The following APBA1 variants were observed in gnomAD, a reference collection of about 807,000 sequenced individuals.
APBA1 encodes amyloid beta precursor protein binding family A member 1.
APBA1 carries 55 observed loss-of-function variants against 86.6 expected under a neutral mutation model. That is an observed-to-expected ratio of 0.64 (90% CI 0.51 to 0.80). The LOEUF (loss-of-function observed/expected upper bound fraction) is 0.80, where lower values mean the gene tolerates loss of function less well. Ranked by LOEUF, APBA1 falls within the 30% of genes least tolerant of loss-of-function variation. The pLI, the probability that APBA1 is intolerant of heterozygous loss-of-function variation, is 0.00. For synonymous variants in APBA1, 511 were observed against 493.9 expected (o/e 1.03, Z -0.46); for missense variants, 1,090 against 1,183.0 (o/e 0.92, Z 1.15).
chr9:69,540,160 A>ACAACAACAAC lies in APBA1; in HGVS notation c.-69-22882_-69-22881insGTTGTTGTTG, dbSNP rs1564071251. 5.9e-4 allele frequency among the ~76,000 whole-genome samples: 90 copies of ACAACAACAAC among 152,090 alleles called. 1 individual carries two copies. Among genetic ancestry groups the ACAACAACAAC allele is most frequent in the African/African-American group, 2.1e-3 (86 of 41,426 alleles). ...CAACAACAACAACAACAACAACAAAAGTCACCTTATAAGACATGCTCCCTG... is the reference window on the plus strand; with the variant it reads ...CAACAACAACAACAACAACAACAAAACAACAACAACGTCACCTTATAAGACATGCTCCCTG... On this transcript the variant is annotated intron_variant, in intron 1 of 12. Coordinates refer to ENST00000265381, the MANE Select transcript of APBA1 (RefSeq NM_001163.4).
At chr9:69,503,386 C>T (rs1461312392) in intron 2 of APBA1, among the ~76,000 whole-genome samples, 2 of 152,062 alleles carry the variant, frequency 1.3e-5, no homozygotes, top group Non-Finnish European at 2.9e-5. Flanking sequence ...TTTCCATATT[C>T]ATAAATAGCA....
At chr9:69,610,379 G>C (rs1459220756) in intron 1 of APBA1, among the ~76,000 whole-genome samples, 2 of 152,220 alleles carry the variant, frequency 1.3e-5, no homozygotes, top group Non-Finnish European at 2.9e-5. Flanking sequence ...TATTTTTGTT[G>C]TTGTTGTTGG....
intron 9 of APBA1, among the ~76,000 whole-genome samples, chr9:69,450,379 C>T (rs1404175247): frequency 6.6e-6 from 1 of 152,208 alleles, no homozygotes; most frequent in African/African-American, 2.4e-5. Context: ...TTTTCACAAC[C>T]TTCACTGGCA....
chr9:69,493,963 C>T (rs1353649713), intron 2 of APBA1, among the ~76,000 whole-genome samples: 1 of 151,914 alleles, frequency 6.6e-6, no homozygotes, highest in African/African-American at 2.4e-5. Context: ...TTTTAAAAAC[C>T]CCAAATATAT....
intron 9 of APBA1, among the ~76,000 whole-genome samples, chr9:69,451,858 C>T (rs1484405688): frequency 6.6e-6 from 1 of 152,194 alleles, no homozygotes; most frequent in Non-Finnish European, 1.5e-5. Flanking sequence ...GTCCTATCTG[C>T]CTCTGGGACC....
At chr9:69,598,616 C>G (rs150144353) in intron 1 of APBA1, among the ~76,000 whole-genome samples, 3 of 152,060 alleles carry the variant, frequency 2.0e-5, no homozygotes, top group Non-Finnish European at 2.9e-5. Context: ...GCATCTTGAA[C>G]AGAACCTGTA....
chr9:69,602,855 A>C (rs945568457), intron 1 of APBA1, among the ~76,000 whole-genome samples: 3 of 152,216 alleles, frequency 2.0e-5, no homozygotes, highest in Non-Finnish European at 2.9e-5. Flanking sequence ...AGAAATATAG[A>C]AATACATGCA....
chr9:69,492,498 T>C (rs778332111), intron 2 of APBA1, among the ~76,000 whole-genome samples: 1 of 152,074 alleles, frequency 6.6e-6, no homozygotes, highest in Non-Finnish European at 1.5e-5. Flanking sequence ...AAAGGCTCTA[T>C]AAAATCAAAC....
intron 1 of APBA1, among the ~76,000 whole-genome samples, chr9:69,551,951 G>A (rs1836791445): frequency 6.6e-6 from 1 of 152,204 alleles, no homozygotes; most frequent in African/African-American, 2.4e-5. Flanking sequence ...GGTTTGAGAT[G>A]GAAAGACACA....
intron 1 of APBA1, among the ~76,000 whole-genome samples, chr9:69,670,716 G>A (rs1823932518): frequency 6.6e-6 from 1 of 152,110 alleles, no homozygotes; most frequent in Non-Finnish European, 1.5e-5. Context: ...GCATTTCTGT[G>A]TCCTTGTTCC....
chr9:69,656,039 A>C (rs1823604846), intron 1 of APBA1, among the ~76,000 whole-genome samples: 1 of 152,210 alleles, frequency 6.6e-6, no homozygotes, highest in Non-Finnish European at 1.5e-5. Context: ...TGTCAATTTT[A>C]ACAACATTAA....
chr9:69,560,996 A>C (rs1836938462), intron 1 of APBA1, among the ~76,000 whole-genome samples: 1 of 152,238 alleles, frequency 6.6e-6, no homozygotes, highest in Non-Finnish European at 1.5e-5. Flanking sequence ...TTTCATGAGA[A>C]GGAAGTAAAC....
intron 1 of APBA1, among the ~76,000 whole-genome samples, chr9:69,596,069 T>C (rs1219867185): frequency 6.6e-6 from 1 of 152,092 alleles, no homozygotes; most frequent in Non-Finnish European, 1.5e-5. Context: ...CTCACTGTAA[T>C]CTTTAACTCT....
intron 2 of APBA1, among the ~76,000 whole-genome samples, chr9:69,494,728 G>C (rs181123567): frequency 2.0e-5 from 3 of 152,186 alleles, no homozygotes; most frequent in Admixed American, 2.0e-4. Flanking sequence ...TTAGCTCTGT[G>C]GGAGAGAAAA....
intron 1 of APBA1, among the ~76,000 whole-genome samples, chr9:69,634,466 T>C (rs543916801): frequency 6.6e-6 from 1 of 152,228 alleles, no homozygotes; most frequent in Admixed American, 6.5e-5. Context: ...AACATGCCTA[T>C]AATATCTGGA....
At chr9:69,523,560 A>C in intron 1 of APBA1, among the ~76,000 whole-genome samples, 1 of 141,618 alleles carries the variant, frequency 7.1e-6, no homozygotes. Context: ...CACACCCAAC[A>C]TTAGAGCACC....
Position 69,441,100 on chromosome 9 carries a change from A to T in APBA1, c.2197T>A (p.Ser733Thr), listed in dbSNP as rs542801088. ...CTCACGATATTCAGCTTGACTCGGG[A>T]CTGATTCTTTAAGCCCTTAAACATG... is the stretch of plus-strand genomic sequence containing the variant. ...QSIIKGLKNQ[S>T]RVKLNIVRCP... Residue 733 changes from serine (S) to threonine (T), a missense_variant, in exon 11 of 13, where the codon TCC becomes ACC. Around this residue, in one of 6 missense-constraint regions of APBA1, gnomAD observed 119 missense variants for 124.8 expected, o/e 0.95. Coordinates refer to ENST00000265381, the MANE Select transcript of APBA1 (RefSeq NM_001163.4). 2 of 1,613,890 alleles carry T rather than the reference A, an allele frequency of 1.2e-6. No homozygotes were observed. The highest frequency in any genetic ancestry group is 2.2e-5 in the South Asian group (2 of 91,072).
At chr9:69,599,223 G>A (rs535422504) in intron 1 of APBA1, among the ~76,000 whole-genome samples, 8 of 152,180 alleles carry the variant, frequency 5.3e-5, no homozygotes, top group South Asian at 4.1e-4. Context: ...TATATTTACC[G>A]CAATTTTAAA....
chr9:69,630,272 CA>C (rs748877933), intron 1 of APBA1, among the ~76,000 whole-genome samples: 4 of 152,058 alleles, frequency 2.6e-5, no homozygotes, highest in African/African-American at 7.2e-5. Context: ...GCATAACGAT[CA>C]GGGGACGGGG....
Sources: allele counts gnomAD v4.1 joint callset (sites outside exome capture counted in the v4.1 genomes callset), GRCh38; gene constraint gnomAD v4.1.1; regional missense constraint gnomAD v4.1.1; transcripts MANE v1.5; gene names NCBI Gene and HGNC (gene_info 2026-07-23, HGNC 2026-07-21).